The following P2RX4 variants were observed in gnomAD, a reference collection of about 807,000 sequenced individuals.
P2RX4 encodes the protein purinergic receptor P2X 4, also known as P2X purinoceptor 4.
P2RX4 carries 37 observed loss-of-function variants against 48.0 expected under a neutral mutation model. The ratio of observed to expected loss-of-function variants is 0.77; its 90% CI spans 0.59 to 1.01. The LOEUF (loss-of-function observed/expected upper bound fraction) is 1.01. P2RX4 is among the 50% of genes least tolerant of loss of function. The pLI, the probability that P2RX4 is intolerant of heterozygous loss-of-function variation, is 0.00. For missense variants in P2RX4, 501 were observed against 521.4 expected, an observed-to-expected ratio of 0.96 and a Z score of 0.38; for synonymous variants, 200 against 199.7, an observed-to-expected ratio of 1.00 and a Z score of -0.01.
In P2RX4 at chr12:121,232,956, T is replaced by G. The variant is rs764057223; in HGVS notation, c.1045-41T>G. On this transcript the variant is annotated intron_variant, in intron 10 of 11. Coordinates refer to ENST00000337233, the MANE Select transcript of P2RX4 (RefSeq NM_002560.3). This position sits in a 1 kb window ranked among gnomAD's most constrained non-coding sequence, Gnocchi z 4.3. ...CAAAGAATAAGATGGGTTGATGGGTTGCAAGCATCCTGGCTCACTCTCACC... is the reference window on the plus strand; with the variant it reads ...CAAAGAATAAGATGGGTTGATGGGTGGCAAGCATCCTGGCTCACTCTCACC... 2 of 1,371,008 alleles carry G rather than the reference T, an allele frequency of 1.5e-6. No individual in the cohort carries two copies. Among genetic ancestry groups the G allele is most frequent in the Non-Finnish European group, 2.1e-6 (2 of 958,492 alleles). 84.9% of individuals were successfully genotyped at this position (1,371,008 alleles called of 1,614,324 possible). A position where few individuals can be genotyped will look rare whatever the true frequency, so the allele number is the denominator to read the frequency against.
At chr12:121,214,809 C>G (rs1475735987) in intron 1 of P2RX4, 2 of 152,124 alleles carry the variant, frequency 1.3e-5, no homozygotes, top group Non-Finnish European at 2.9e-5. Flanking sequence ...GGTGGAGGGA[C>G]AGAGTCTCAC....
At chr12:121,211,602 A>T (rs2136209667) in intron 1 of P2RX4, among the ~76,000 whole-genome samples, 1 of 152,322 alleles carries the variant, frequency 6.6e-6, no homozygotes, top group Non-Finnish European at 1.5e-5. Context: ...TGCTGGGCTG[A>T]CACGTATTGC....
At chr12:121,217,361 G>A (rs1440302372) in intron 2 of P2RX4, 80 bp downstream of exon 2, 31 of 1,425,468 alleles carry the variant, frequency 2.2e-5, no homozygotes, top group South Asian at 2.4e-5. Flanking sequence ...AATGATTGAC[G>A]TGGCCTGAGT....
At chr12:121,210,357 G>A in intron 1 of P2RX4, 59 bp downstream of exon 1, 1 of 1,399,396 alleles carries the variant, frequency 7.1e-7, no homozygotes, top group Middle Eastern at 2.6e-4. Context: ...CGCGCCGTGC[G>A]GCGGCTCATC....
Position 121,228,531 on chromosome 12 carries a change from A to T in P2RX4, c.525-2A>T, listed in dbSNP as rs759651604. 3 of 1,608,044 alleles carry T rather than the reference A, an allele frequency of 1.9e-6. No homozygotes were observed. In the South Asian group the frequency reaches 3.3e-5, roughly 18 times the overall value. ...AACAGTAATGTTATCATTGTTTTTC[A>T]GACCTGCTTTTTTAAAGGCTGCAGA... is the stretch of plus-strand genomic sequence containing the variant. On this transcript the variant is annotated splice_acceptor_variant, in intron 5 of 11. Coordinates refer to ENST00000337233, the MANE Select transcript of P2RX4 (RefSeq NM_002560.3). LOFTEE classifies it high-confidence loss of function.
chr12:121,232,360 G>A lies in P2RX4; in HGVS notation c.885-54G>A. On this transcript the variant is annotated intron_variant, in intron 8 of 11. Transcript: ENST00000337233. This position sits in a 1 kb window ranked among gnomAD's most constrained non-coding sequence, Gnocchi z 4.3. ...GCTCCACTCTAACGTTCTCTCACAG[G>A]GCCCAAGGTCCTGCCCCAGCCATCT... The A allele has an allele frequency of 8.1e-7, 1 of 1,239,524 alleles. No individual in the cohort carries two copies. 76.8% of individuals were successfully genotyped at this position (1,239,524 alleles called of 1,614,324 possible).
chr12:121,213,870 T>G (rs1305678710), intron 1 of P2RX4: 1 of 152,162 alleles, frequency 6.6e-6, no homozygotes, highest in African/African-American at 2.4e-5. Context: ...CCTTTCTATT[T>G]CTTTTTACTT....
rs1221657625 is a variant in P2RX4, at chr12:121,233,816, C to T, written c.*267C>T. On this transcript the variant is annotated 3_prime_UTR_variant, in exon 12 of 12. Transcript: ENST00000337233. ...GGTTGTCGGGGGAGCGCTGGCCCGACGCAGTGGCACTGCTGTGGCTTTCAG... is the reference window on the plus strand; with the variant it reads ...GGTTGTCGGGGGAGCGCTGGCCCGATGCAGTGGCACTGCTGTGGCTTTCAG... 13 of 640,684 alleles carry T rather than the reference C, an allele frequency of 2.0e-5. No individual in the cohort carries two copies. Among genetic ancestry groups the T allele is most frequent in the South Asian group, 7.9e-5 (4 of 50,750 alleles). The allele number at this position is 640,684 out of a possible 1,614,324, so 39.7% of individuals were successfully genotyped here.
intron 8 of P2RX4, among the ~76,000 whole-genome samples, chr12:121,231,291 A>G (rs1712922332): frequency 6.6e-6 from 1 of 152,120 alleles, no homozygotes; most frequent in Non-Finnish European, 1.5e-5. Context: ...ACCCAGCCAT[A>G]TATTTTTAAA....
In P2RX4 at chr12:121,232,495, T is replaced by A. The variant is rs1566012874; in HGVS notation, c.966T>A (p.Ile322=). 6.2e-7 allele frequency: 1 copy of A among 1,613,648 alleles called. No individual in the cohort carries two copies. Residue 322 remains isoleucine (I), a synonymous_variant, in exon 9 of 12, where the codon ATT becomes ATA. Transcript: ENST00000337233. This position sits in a 1 kb window ranked among gnomAD's most constrained non-coding sequence, Gnocchi z 4.3. ...IKAYGIRFDI[I]VFGKAGKFDI... ...CCTATGGCATCCGCTTCGACATCAT[T>A]GTGTTTGGGAAGGTAGCTCGCCGCC... is the stretch of plus-strand genomic sequence containing the variant.
chr12:121,228,385 A>AAT lies in P2RX4; in HGVS notation c.525-128_525-127dup, dbSNP rs1184622475. The AAT allele has an allele frequency of 2.2e-3, 267 of 120,494 alleles. 3 individuals carry two copies. The highest frequency in any genetic ancestry group is 0.012 in the Middle Eastern group (3 of 252). 7.5% of individuals were successfully genotyped at this position (120,494 alleles called of 1,614,324 possible). On this transcript the variant is annotated intron_variant, in intron 5 of 11. Coordinates refer to ENST00000337233, the MANE Select transcript of P2RX4 (RefSeq NM_002560.3). Reference sequence around the variant, plus strand: ...TCCATCTCAAAAAAAAAAAAAAAAAAATATATATATATATATATATACACA... The same window carrying AAT: ...TCCATCTCAAAAAAAAAAAAAAAAAAATATATATATATATATATATATACACA...
At chr12:121,224,905 T>C (rs937531854) in intron 5 of P2RX4, among the ~76,000 whole-genome samples, 4 of 151,758 alleles carry the variant, frequency 2.6e-5, no homozygotes, top group East Asian at 1.9e-4. Context: ...AGGAAGGAGA[T>C]AGAAAAAGAA....
chr12:121,211,573 GTGTTC>G (rs1885853935), intron 1 of P2RX4, among the ~76,000 whole-genome samples: 1 of 152,204 alleles, frequency 6.6e-6, no homozygotes, highest in Admixed American at 6.5e-5. Flanking sequence ...CTTACCTGGG[GTGTTC>G]TGGTGTCTAC....
chr12:121,232,924 G>C lies in P2RX4; in HGVS notation c.1045-73G>C. The C allele has an allele frequency of 3.8e-6, 4 of 1,058,660 alleles. No individual in the cohort carries two copies. The highest frequency in any genetic ancestry group is 1.5e-6 in the Non-Finnish European group (1 of 675,818). The allele number at this position is 1,058,660 out of a possible 1,614,324, so 65.6% of individuals were successfully genotyped here. A position where few individuals can be genotyped will look rare whatever the true frequency, so the allele number is the denominator to read the frequency against. On this transcript the variant is annotated intron_variant, in intron 10 of 11. Coordinates refer to ENST00000337233, the MANE Select transcript of P2RX4 (RefSeq NM_002560.3). This position sits in a 1 kb window ranked among gnomAD's most constrained non-coding sequence, Gnocchi z 4.3. ...TAAAGATTCCAGGCTTCTCAGGAAG[G>C]GGCACGCAAAGAATAAGATGGGTTG... is the stretch of plus-strand genomic sequence containing the variant.
chr12:121,226,958 T>G (rs1171630962), intron 5 of P2RX4, among the ~76,000 whole-genome samples: 2 of 151,262 alleles, frequency 1.3e-5, no homozygotes, highest in African/African-American at 4.9e-5. Flanking sequence ...ACTAAAAATA[T>G]GAAAAAATTA....
chr12:121,221,196 G>GTT (rs1555235987), intron 2 of P2RX4, among the ~76,000 whole-genome samples: 2 of 94,506 alleles, frequency 2.1e-5, no homozygotes, highest in African/African-American at 1.0e-4. Flanking sequence ...GTGTGTGTGT[G>GTT]TTTTTAGTAC....
intron 1 of P2RX4, chr12:121,214,290 T>C (rs1245562638): frequency 6.6e-6 from 1 of 152,168 alleles, no homozygotes; most frequent in Non-Finnish European, 1.5e-5. Flanking sequence ...ATCTCGGTCA[T>C]GAGAATCTTT....
In P2RX4 at chr12:121,223,000, G is replaced by A; in HGVS notation, c.481G>A (p.Val161Met). The A allele has an allele frequency of 1.2e-6, 2 of 1,613,852 alleles. No individual in the cohort carries two copies. Among genetic ancestry groups the A allele is most frequent in the Non-Finnish European group, 1.7e-6 (2 of 1,179,716 alleles). ...AFNGSVKTCE[V>M]AAWCPVEDDT... is the part of the protein sequence containing the mutation. ...CAACGGGTCTGTCAAGACGTGTGAG[G>A]TGGCGGCCTGGTGCCCGGTGGAGGA... Residue 161 changes from valine to methionine, a missense_variant, in exon 5 of 12, where the codon GTG becomes ATG. Transcript: ENST00000337233.
At chr12:121,210,455 G>A (rs991328620) in intron 1 of P2RX4, among the ~76,000 whole-genome samples, 157 bp downstream of exon 1, 22 of 152,070 alleles carry the variant, frequency 1.4e-4, no homozygotes, top group Non-Finnish European at 2.9e-4. Flanking sequence ...CCGGGGCCCC[G>A]GGGGCGGGAG....
Sources: allele counts gnomAD v4.1 joint callset (sites outside exome capture counted in the v4.1 genomes callset), GRCh38; gene constraint gnomAD v4.1.1; non-coding constraint Gnocchi (gnomAD v3.1); transcripts MANE v1.5; gene names NCBI Gene and HGNC (gene_info 2026-07-23, HGNC 2026-07-21).